PDE10A: variants seen among roughly 807,000 people sequenced by gnomAD.
PDE10A encodes the protein cAMP and cAMP-inhibited cGMP 3',5'-cyclic phosphodiesterase 10A.
In PDE10A, 39 loss-of-function variants were observed where a neutral mutation model predicts 97.7. The ratio of observed to expected loss-of-function variants is 0.40; its 90% CI spans 0.31 to 0.52. PDE10A has a LOEUF of 0.52. Among genes scored for constraint, PDE10A ranks in the 20% least tolerant of loss-of-function variants. The pLI is 0.56. For missense variants in PDE10A, 731 were observed against 1,047.8 expected, an observed-to-expected ratio of 0.70 and a Z score of 4.17; for synonymous variants, 371 against 376.8, an observed-to-expected ratio of 0.98 and a Z score of 0.18.
At chr6:165,933,616 G>A (rs1178088818) in intron 1 of PDE10A, among the ~76,000 whole-genome samples, 1 of 152,106 alleles carries the variant, frequency 6.6e-6, no homozygotes, top group Non-Finnish European at 1.5e-5. Context: ...CATAATGAAA[G>A]GCATTCCCCC....
intron 1 of PDE10A, among the ~76,000 whole-genome samples, chr6:165,574,713 A>G (rs1196273613): frequency 6.6e-6 from 1 of 152,190 alleles, no homozygotes; most frequent in Non-Finnish European, 1.5e-5. Context: ...TCTTTGTTAA[A>G]AGTGAGAGTG....
rs557797169 is a variant in PDE10A, at chr6:165,743,815, G to A, written c.-614-200247C>T. ...TATTCTACAATGAGAATGTTAGTAAGTGGTACTATCTTCGTTTTGTAGATT... is the reference window on the plus strand; with the variant it reads ...TATTCTACAATGAGAATGTTAGTAAATGGTACTATCTTCGTTTTGTAGATT... On this transcript the variant is annotated intron_variant, in intron 1 of 19. Coordinates refer to the PDE10A transcript ENST00000366882. Among the ~76,000 whole-genome samples the A allele has an allele frequency of 1.6e-4, 25 of 152,350 alleles. No individual in the cohort carries two copies. In the South Asian group the frequency reaches 5.2e-3, roughly 32 times the overall value.
intron 13 of PDE10A, among the ~76,000 whole-genome samples, chr6:165,398,575 T>A (rs1047537310): frequency 6.6e-6 from 1 of 152,152 alleles, no homozygotes; most frequent in African/African-American, 2.4e-5. Context: ...ACTAATATGT[T>A]TGGTTGAAAT....
chr6:165,627,569 C>G (rs190413740), intron 1 of PDE10A, among the ~76,000 whole-genome samples: 1 of 152,296 alleles, frequency 6.6e-6, no homozygotes, highest in Admixed American at 6.5e-5. Context: ...CCCTGCTGCA[C>G]CCAAGCTGCC....
Position 165,336,155 on chromosome 6 carries a change from G to T in PDE10A, c.3033C>A (p.Leu1011=), listed in dbSNP as rs143718875. The T allele has an allele frequency of 1.2e-6, 2 of 1,613,938 alleles. No homozygotes were observed. The highest frequency in any genetic ancestry group is 2.2e-5 in the South Asian group (2 of 91,078). ...IPCYTTLTQI[L]PPTEPLLKAC... Reference sequence around the variant, plus strand: ...CTTTCAGAAGAGGCTCCGTGGGAGGGAGGATCTGGGTAAGGGTTGTATAGC... The same window carrying T: ...CTTTCAGAAGAGGCTCCGTGGGAGGTAGGATCTGGGTAAGGGTTGTATAGC... The change falls in exon 21 of 22, where the codon CTC becomes CTA. Residue 1011 remains leucine, a synonymous_variant. Transcript: ENST00000539869.
chr6:165,376,669 A>C (rs1270683353), intron 18 of PDE10A, among the ~76,000 whole-genome samples: 2 of 152,150 alleles, frequency 1.3e-5, no homozygotes, highest in Non-Finnish European at 2.9e-5. Flanking sequence ...AATCCCAGTT[A>C]CTCAGGAGGC....
At chr6:165,364,375 C>T (rs1783625919) in intron 18 of PDE10A, among the ~76,000 whole-genome samples, 1 of 152,098 alleles carries the variant, frequency 6.6e-6, no homozygotes, top group Admixed American at 6.6e-5. Context: ...AGAAAACAGG[C>T]CCTCACTCAA....
In PDE10A at chr6:165,437,024, C is replaced by A. The variant is rs142471559; in HGVS notation, c.1195-1647G>T. ...CTCAAACTATAAGGAAGCAACTGTC[C>A]CTTTTCTGTACCAAAGACGGAACTG... On this transcript the variant is annotated intron_variant, in intron 5 of 21. Coordinates refer to ENST00000539869, the MANE Select transcript of PDE10A (RefSeq NM_001385079.1). Among the ~76,000 whole-genome samples, 131 of 151,768 alleles carry A rather than the reference C, an allele frequency of 8.6e-4. 1 individual carries two copies. The highest frequency in any genetic ancestry group is 3.1e-3 in the African/African-American group (129 of 41,154).
At chr6:165,806,180 G>A (rs150423562) in intron 1 of PDE10A, among the ~76,000 whole-genome samples, 1,732 of 151,364 alleles carry the variant, frequency 0.011, 8 homozygotes, top group Admixed American at 0.019. Flanking sequence ...ACAGCCACAC[G>A]TCTACAGGAG....
chr6:165,429,641 T>A (rs569361728), intron 9 of PDE10A, among the ~76,000 whole-genome samples: 1 of 152,168 alleles, frequency 6.6e-6, no homozygotes, highest in South Asian at 2.1e-4. Context: ...TAGGAGGACA[T>A]GACCCTAAAG....
chr6:165,473,857 G>A (rs997651418), intron 3 of PDE10A, among the ~76,000 whole-genome samples: 1 of 152,170 alleles, frequency 6.6e-6, no homozygotes, highest in Non-Finnish European at 1.5e-5. Flanking sequence ...AGAATAATAT[G>A]TGCTTGTATA....
At chr6:165,769,131 A>C (rs1777939456) in intron 1 of PDE10A, among the ~76,000 whole-genome samples, 2 of 152,184 alleles carry the variant, frequency 1.3e-5, no homozygotes, top group Admixed American at 1.3e-4. Flanking sequence ...TGTCCATTAG[A>C]ATTTCCTGTG....
At position 165,379,224 on chromosome 6, in the gene PDE10A, C is replaced by T. The variant is rs1784792188; in HGVS notation, c.2753G>A (p.Gly918Glu). 1 of 1,611,480 alleles carries T rather than the reference C, an allele frequency of 6.2e-7. No individual in the cohort carries two copies. The highest frequency in any genetic ancestry group is 1.3e-5 in the African/African-American group (1 of 74,782). ...TGATTGATTATTAAGGTTTAGTGAT[C>T]CGGTCTGGTACATCTCTTCCAACTG... ...RKQLEEMYQT[G>E]SLNLNNQSHR... is the part of the protein sequence containing the mutation. Residue 918 changes from glycine to glutamate, a missense_variant, in exon 18 of 22, where the codon GGA becomes GAA. Gly to Glu is a moderately conservative substitution (Grantham distance 98). Around this residue, in one of 8 missense-constraint regions of PDE10A, gnomAD observed 96 missense variants for 156.7 expected, o/e 0.61. Coordinates refer to ENST00000539869, the MANE Select transcript of PDE10A (RefSeq NM_001385079.1).
At chr6:165,890,065 CCTCACTCCTCA>C (rs1430348707) in intron 1 of PDE10A, among the ~76,000 whole-genome samples, 4 of 145,642 alleles carry the variant, frequency 2.7e-5, no homozygotes, top group African/African-American at 1.0e-4. Flanking sequence ...CTCCTCCCTC[CCTCACTCCTCA>C]CTCACTCCTC....
intron 1 of PDE10A, among the ~76,000 whole-genome samples, chr6:165,914,235 A>T (rs2128486935): frequency 6.6e-6 from 1 of 152,262 alleles, no homozygotes; most frequent in African/African-American, 2.4e-5. Flanking sequence ...GGTGATGGTG[A>T]TCTTATGATG....
chr6:165,389,319 TGAG>T (rs1785519017), intron 16 of PDE10A, among the ~76,000 whole-genome samples: 2 of 152,236 alleles, frequency 1.3e-5, no homozygotes, highest in South Asian at 4.1e-4. Context: ...GAGAGATCAG[TGAG>T]GAGGTTTCTA....
At chr6:165,372,522 G>C (rs1341873755) in intron 18 of PDE10A, among the ~76,000 whole-genome samples, 2 of 134,152 alleles carry the variant, frequency 1.5e-5, no homozygotes, top group African/African-American at 3.1e-5. Context: ...AACTTACAAG[G>C]GACGTGAAGG....
intron 5 of PDE10A, among the ~76,000 whole-genome samples, chr6:165,444,128 T>C (rs1470673875): frequency 2.6e-5 from 4 of 152,172 alleles, no homozygotes; most frequent in African/African-American, 7.2e-5. Context: ...CCAGGCCTCA[T>C]CTCCATCTGA....
At chr6:165,727,540 T>C (rs948734232) in intron 1 of PDE10A, among the ~76,000 whole-genome samples, 3 of 152,220 alleles carry the variant, frequency 2.0e-5, no homozygotes, top group East Asian at 3.9e-4. Context: ...CCAAATGACA[T>C]AGAGCCCAGG....
Sources: gnomAD v4.1 joint callset for allele counts (sites outside exome capture counted in the v4.1 genomes callset) on GRCh38, gnomAD v4.1.1 for gene constraint, gnomAD v4.1.1 regional missense constraint, MANE v1.5 for transcripts, NCBI Gene and HGNC (gene_info 2026-07-23, HGNC 2026-07-21) for gene names.